The following IL1A variants were observed in gnomAD, a reference collection of about 807,000 sequenced individuals.
IL1A encodes the protein interleukin 1 alpha, also known as interleukin-1 alpha.
IL1A carries 16 observed loss-of-function variants against 22.2 expected under a neutral mutation model. The ratio of observed to expected loss-of-function variants is 0.72; its 90% CI spans 0.49 to 1.09. The LOEUF is 1.09. Ranked by LOEUF, IL1A falls within the 50% of genes least tolerant of loss-of-function variation. The pLI, the probability that IL1A is intolerant of heterozygous loss-of-function variation, is 0.00. For missense variants in IL1A, 317 were observed against 321.8 expected (o/e 0.99, Z 0.11); for synonymous variants, 113 against 118.5 (o/e 0.95, Z 0.30).
intron 1 of IL1A, among the ~76,000 whole-genome samples, chr2:112,784,108 G>GT (rs1681260459): frequency 6.6e-6 from 1 of 152,206 alleles, no homozygotes; most frequent in Non-Finnish European, 1.5e-5. Flanking sequence ...TTACACAGAG[G>GT]TAAGAGAGAG....
intron 6 of IL1A, among the ~76,000 whole-genome samples, chr2:112,777,417 T>G (rs1197697379): frequency 6.6e-6 from 1 of 152,200 alleles, no homozygotes; most frequent in African/African-American, 2.4e-5. Flanking sequence ...AGTCACCTAC[T>G]TATCAGTGGA....
rs1447490346 is a variant in IL1A at position 112,781,641 on chromosome 2, A to G, written c.282T>C (p.Asp94=). Residue 94 remains aspartate, a synonymous_variant, in exon 4 of 7, where the codon GAT becomes GAC. Transcript: ENST00000263339. The stretch of plus-strand genomic sequence containing the variant: ...CATTGGCGATGGCCTCCAGGTCATC[A>G]TCAGTGATGGATTGGCTTAAACTCA... The part of the protein sequence containing the change: ...RRLSLSQSIT[D]DDLEAIANDS... 2.5e-6 allele frequency: 4 copies of G among 1,614,222 alleles called. No individual in the cohort carries two copies. The highest frequency in any genetic ancestry group is 3.4e-6 in the Non-Finnish European group (4 of 1,180,036).
chr2:112,775,714 T>C (rs1681089209), intron 6 of IL1A, among the ~76,000 whole-genome samples: 1 of 152,054 alleles, frequency 6.6e-6, no homozygotes, highest in African/African-American at 2.4e-5. Flanking sequence ...TTAGATGACA[T>C]TTATCTCAGT....
At position 112,779,538 on chromosome 2, in the gene IL1A, G is replaced by C. The variant is rs1351887279; in HGVS notation, c.448C>G (p.Gln150Glu). Reference sequence around the variant, plus strand: ...TGTAATGCAGCAGCCGTGAGGTACTGATCATTGGCTCGAATTATACTTTGA... The same window carrying C: ...TGTAATGCAGCAGCCGTGAGGTACTCATCATTGGCTCGAATTATACTTTGA... Reference protein sequence around the residue: ...LNQSIIRANDQYLTAAALHNL... With the variant: ...LNQSIIRANDEYLTAAALHNL... The change falls in exon 5 of 7, where the codon CAG becomes GAG. Residue 150 changes from glutamine to glutamate, a missense_variant. Coordinates refer to ENST00000263339, the MANE Select transcript of IL1A (RefSeq NM_000575.5). 3.1e-6 allele frequency: 5 copies of C among 1,609,312 alleles called. No homozygotes were observed. The highest frequency in any genetic ancestry group is 4.3e-6 in the Non-Finnish European group (5 of 1,176,400).
Position 112,781,663 on chromosome 2 carries a change from C to G in IL1A, c.260G>C (p.Ser87Thr), listed in dbSNP as rs150195518. ...NGKVLKKRRLSLSQSITDDDL... is the reference protein window; with the variant it reads ...NGKVLKKRRLTLSQSITDDDL... Reference sequence around the variant, plus strand: ...ATCATCAGTGATGGATTGGCTTAAACTCAACCGTCTCTTCTTCAGAACCTT... The same window carrying G: ...ATCATCAGTGATGGATTGGCTTAAAGTCAACCGTCTCTTCTTCAGAACCTT... Residue 87 changes from serine (S) to threonine (T), a missense_variant, in exon 4 of 7, where the codon AGT becomes ACT. Ser to Thr is a moderately conservative substitution (Grantham distance 58). Coordinates refer to ENST00000263339, the MANE Select transcript of IL1A (RefSeq NM_000575.5). 7.9e-5 allele frequency: 128 copies of G among 1,614,222 alleles called. No homozygotes were observed. In the African/African-American group the frequency reaches 1.6e-3, roughly 20 times the overall value.
At chr2:112,778,821 T>C (rs1389811314) in intron 5 of IL1A, among the ~76,000 whole-genome samples, 1 of 152,194 alleles carries the variant, frequency 6.6e-6, no homozygotes, top group Non-Finnish European at 1.5e-5. Context: ...CAAAATAATT[T>C]GTAAATGTAG....
At position 112,781,725 on chromosome 2, in the gene IL1A, G is replaced by C. The variant is rs1393321034; in HGVS notation, c.198C>G (p.Thr66=). Residue 66 remains threonine, a synonymous_variant, in exon 4 of 7, where the codon ACC becomes ACG. Coordinates refer to ENST00000263339, the MANE Select transcript of IL1A (RefSeq NM_000575.5). ...CTACTACCACCATGCTCTCCTTGAA[G>C]GTAAGCTTGGATGTTTTAGAGGTTT... ...ISETSKTSKL[T]FKESMVVVAT... is the part of the protein sequence containing the mutation. The C allele has an allele frequency of 2.5e-6, 4 of 1,614,164 alleles. No homozygotes were observed. Among genetic ancestry groups the C allele is most frequent in the Admixed American group, 1.7e-5 (1 of 60,034 alleles).
intron 1 of IL1A, 106 bp from the exon 2 acceptor site, chr2:112,783,884 CTT>C (rs1681256131): frequency 1.1e-6 from 1 of 928,558 alleles, no homozygotes; most frequent in East Asian, 2.4e-5. Flanking sequence ...TGTTGAATGA[CTT>C]AGTCCACATT....
intron 6 of IL1A, among the ~76,000 whole-genome samples, chr2:112,777,701 G>A (rs1247889348): frequency 1.3e-5 from 2 of 152,152 alleles, no homozygotes; most frequent in African/African-American, 4.8e-5. Context: ...ATAGATGTCA[G>A]TAAAGATCAA....
At chr2:112,784,124 G>C (rs1306449162) in intron 1 of IL1A, among the ~76,000 whole-genome samples, 2 of 152,222 alleles carry the variant, frequency 1.3e-5, no homozygotes, top group Non-Finnish European at 2.9e-5. Flanking sequence ...GAGAGACAGA[G>C]TTGGAAATTT....
chr2:112,783,669 T>C (rs1055417794), intron 2 of IL1A, 55 bp downstream of exon 2: 120 of 1,482,394 alleles, frequency 8.1e-5, no homozygotes, highest in Non-Finnish European at 1.3e-5. Flanking sequence ...CTAGCTGGAT[T>C]CTGGTGAGCC....
Position 112,779,512 on chromosome 2 carries a change from A to G in IL1A, c.474T>C (p.His158=). The G allele has an allele frequency of 4.4e-6, 7 of 1,594,494 alleles. No individual in the cohort carries two copies. The highest frequency in any genetic ancestry group is 6.0e-6 in the Non-Finnish European group (7 of 1,164,358). ...NDQYLTAAAL[H]NLDEAVKFDM... ...TTAATGTACCTGCTTCATCCAGATTATGTAATGCAGCAGCCGTGAGGTACT... is the reference window on the plus strand; with the variant it reads ...TTAATGTACCTGCTTCATCCAGATTGTGTAATGCAGCAGCCGTGAGGTACT... The change falls in exon 5 of 7, where the codon CAT becomes CAC. Residue 158 remains histidine (H), a synonymous_variant. Coordinates refer to ENST00000263339, the MANE Select transcript of IL1A (RefSeq NM_000575.5).
rs1245526909 is a variant in IL1A at position 112,782,746 on chromosome 2, A to G, written c.66T>C (p.Ser22=). 1.2e-5 allele frequency: 20 copies of G among 1,608,824 alleles called. No individual in the cohort carries two copies. The highest frequency in any genetic ancestry group is 1.7e-5 in the Non-Finnish European group (20 of 1,175,268). Residue 22 remains serine (S), a synonymous_variant, in exon 3 of 7, where the codon AGT becomes AGC. Transcript: ENST00000263339. ...KNCYSENEED[S]SSIDHLSLNQ... ...TCAGAGACAGATGATCAATGGAGGA[A>G]CTGTCTTCTTCATTTTCACTGTCAA...
chr2:112,774,154 C>A lies in IL1A; in HGVS notation c.*913G>T, dbSNP rs1170756439. ...CAGGTGGAATTGAAACAAGAATGCC[C>A]AGGTAAGTTTAATGGCAAAAGAGTC... On this transcript the variant is annotated 3_prime_UTR_variant, in exon 7 of 7. Coordinates refer to ENST00000263339, the MANE Select transcript of IL1A (RefSeq NM_000575.5). 1 of 151,540 alleles carries A rather than the reference C, an allele frequency of 6.6e-6. No individual in the cohort carries two copies. The highest frequency in any genetic ancestry group is 2.4e-5 in the African/African-American group (1 of 41,004). The allele number at this position is 151,540 out of a possible 1,614,324, so 9.4% of individuals were successfully genotyped here. A position where few individuals can be genotyped will look rare whatever the true frequency, so the allele number is the denominator to read the frequency against.
At chr2:112,783,945 C>CTG (rs1681257996) in intron 1 of IL1A, among the ~76,000 whole-genome samples, 167 bp from the exon 2 acceptor site, 1 of 152,210 alleles carries the variant, frequency 6.6e-6, no homozygotes, top group African/African-American at 2.4e-5. Flanking sequence ...TGCTATGTAC[C>CTG]TGTCTCCTTT....
rs763998531 is a variant in IL1A at position 112,777,972 on chromosome 2, C to T, written c.615+15G>A. ...GATGTAAATGAAGGTAAGTTGGAGA[C>T]AAAGGACAACTGACCTTCAGCAGCA... On this transcript the variant is annotated intron_variant, in intron 6 of 6. Coordinates refer to ENST00000263339, the MANE Select transcript of IL1A (RefSeq NM_000575.5). 15 of 1,613,504 alleles carry T rather than the reference C, an allele frequency of 9.3e-6. No individual in the cohort carries two copies. The Admixed American group carries it at 1.8e-4, about 20-fold the overall frequency.
At chr2:112,779,794 C>T (rs1681165033) in intron 4 of IL1A, 128 bp from the exon 5 acceptor site, 1 of 525,460 alleles carries the variant, frequency 1.9e-6, no homozygotes, top group Non-Finnish European at 3.1e-6. Context: ...GATGAGGAAG[C>T]AAAGAGAAGT....
At chr2:112,783,882 G>A in intron 1 of IL1A, 104 bp from the exon 2 acceptor site, 1 of 947,980 alleles carries the variant, frequency 1.1e-6, no homozygotes, top group East Asian at 2.4e-5. Flanking sequence ...TTTGTTGAAT[G>A]ACTTAGTCCA....
rs1201635689 is a variant in IL1A, at chr2:112,778,107, T to C, written c.495A>G (p.Lys165=). The change falls in exon 6 of 7, where the codon AAA becomes AAG. Residue 165 remains lysine, a synonymous_variant. Coordinates refer to ENST00000263339, the MANE Select transcript of IL1A (RefSeq NM_000575.5). ...AALHNLDEAV[K]FDMGAYKSSK... ...ATGACTTATAAGCACCCATGTCAAA[T>C]TTCACTGGTGAAGAGAAGAACCAAA... 6.2e-7 allele frequency: 1 copy of C among 1,612,718 alleles called. No individual in the cohort carries two copies. Among genetic ancestry groups the C allele is most frequent in the African/African-American group, 1.3e-5 (1 of 74,854 alleles).
Sources: gnomAD v4.1 joint callset for allele counts (sites outside exome capture counted in the v4.1 genomes callset) on GRCh38, gnomAD v4.1.1 for gene constraint, MANE v1.5 for transcripts, NCBI Gene and HGNC (gene_info 2026-07-23, HGNC 2026-07-21) for gene names.